Variants in NUDT9 observed in about 807,000 individuals in gnomAD.
NUDT9 encodes ADP-ribose pyrophosphatase.
NUDT9 carries 31 observed loss-of-function variants against 41.0 expected under a neutral mutation model. That is an observed-to-expected ratio of 0.76 (90% confidence interval 0.57 to 1.02). The LOEUF (loss-of-function observed/expected upper bound fraction) is 1.02. Among genes scored for constraint, NUDT9 ranks in the 50% least tolerant of loss-of-function variants. The pLI is 0.00. For missense variants in NUDT9, 380 were observed against 431.4 expected (o/e 0.88, Z 1.06); for synonymous variants, 146 against 147.6 (o/e 0.99, Z 0.08).
At chr4:87,454,919 AAATG>A (rs1722921087) in intron 7 of NUDT9, among the ~76,000 whole-genome samples, 1 of 152,238 alleles carries the variant, frequency 6.6e-6, no homozygotes, top group African/African-American at 2.4e-5. Context: ...AAAAAATTTT[AAATG>A]AATGCTGTTT....
intron 1 of NUDT9, among the ~76,000 whole-genome samples, chr4:87,424,160 C>T (rs369883275): frequency 6.6e-6 from 1 of 151,178 alleles, no homozygotes; most frequent in Non-Finnish European, 1.5e-5. Flanking sequence ...TGGTTATTGT[C>T]GCGCTGCCAG....
intron 1 of NUDT9, among the ~76,000 whole-genome samples, chr4:87,429,474 T>C (rs1203889014): frequency 6.6e-6 from 1 of 152,118 alleles, no homozygotes; most frequent in Non-Finnish European, 1.5e-5. Flanking sequence ...TTTTTATATA[T>C]ATATAATTAT....
chr4:87,450,273 A>T (rs1047803413), intron 5 of NUDT9, among the ~76,000 whole-genome samples: 25 of 152,252 alleles, frequency 1.6e-4, no homozygotes, highest in African/African-American at 6.0e-4. Context: ...ATAAAAACAT[A>T]CAGTTGTCTG....
At chr4:87,457,763 T>TA in intron 7 of NUDT9, 80 bp from the exon 8 acceptor site, 3 of 1,284,124 alleles carry the variant, frequency 2.3e-6, no homozygotes, top group Non-Finnish European at 2.2e-6. Context: ...AAGATTATTT[T>TA]AAATAAGAAT....
intron 7 of NUDT9, among the ~76,000 whole-genome samples, chr4:87,455,644 T>TTTTTTTC (rs1350434379): frequency 2.0e-5 from 3 of 151,542 alleles, no homozygotes; most frequent in African/African-American, 2.4e-5. Context: ...TTTTAGTGCT[T>TTTTTTTC]TTTTTTCTTT....
At chr4:87,456,774 C>T in intron 7 of NUDT9, among the ~76,000 whole-genome samples, 1 of 151,840 alleles carries the variant, frequency 6.6e-6, no homozygotes, top group East Asian at 1.9e-4. Context: ...ACTAAGAATA[C>T]AAAAAAATTA....
rs1250504043 is a variant in NUDT9 at position 87,458,893 on chromosome 4, G to A, written c.*872G>A. The A allele has an allele frequency of 2.6e-5, 4 of 152,124 alleles. No individual in the cohort carries two copies. Among genetic ancestry groups the A allele is most frequent in the Non-Finnish European group, 5.9e-5 (4 of 68,002 alleles). 9.4% of individuals were successfully genotyped at this position (152,124 alleles called of 1,614,324 possible). A position where few individuals can be genotyped will look rare whatever the true frequency, so the allele number is the denominator to read the frequency against. On this transcript the variant is annotated 3_prime_UTR_variant, in exon 8 of 8. Transcript: ENST00000302174. The stretch of plus-strand genomic sequence containing the variant: ...CAACCATTGTGGAAGAGAGTGTAGA[G>A]AGTCCTCAAATATTTAAAGATATTT...
At chr4:87,438,777 A>G (rs944178079) in intron 3 of NUDT9, among the ~76,000 whole-genome samples, 3 of 152,230 alleles carry the variant, frequency 2.0e-5, no homozygotes, top group African/African-American at 4.8e-5. Flanking sequence ...GGGTCTTTCT[A>G]TACTTTTTAA....
intron 4 of NUDT9, among the ~76,000 whole-genome samples, chr4:87,447,530 C>A (rs1722513818): frequency 1.4e-5 from 2 of 142,432 alleles, no homozygotes; most frequent in Non-Finnish European, 3.0e-5. Flanking sequence ...TAGGACAATT[C>A]CTAAAATTGG....
intron 4 of NUDT9, among the ~76,000 whole-genome samples, chr4:87,444,191 T>C (rs1722344614): frequency 6.6e-6 from 1 of 152,202 alleles, no homozygotes; most frequent in Non-Finnish European, 1.5e-5. Context: ...AATATCCTCA[T>C]ATTGTTACTT....
intron 4 of NUDT9, among the ~76,000 whole-genome samples, chr4:87,442,750 T>G (rs1213646384): frequency 6.6e-6 from 1 of 152,208 alleles, no homozygotes; most frequent in Admixed American, 6.5e-5. Context: ...ACACACACAT[T>G]AGCCTATGGC....
chr4:87,439,122 C>T (rs572544914), intron 3 of NUDT9, among the ~76,000 whole-genome samples: 79 of 151,068 alleles, frequency 5.2e-4, no homozygotes, highest in East Asian at 2.4e-3. Flanking sequence ...GCTGAGATTG[C>T]GCCACTGCAC....
intron 3 of NUDT9, among the ~76,000 whole-genome samples, chr4:87,441,427 C>T (rs765296569): frequency 6.6e-6 from 1 of 152,032 alleles, no homozygotes; most frequent in Non-Finnish European, 1.5e-5. Context: ...TTTAATGTAA[C>T]AGGGACAATT....
At chr4:87,437,500 C>G (rs1022481045) in intron 2 of NUDT9, among the ~76,000 whole-genome samples, 2 of 151,086 alleles carry the variant, frequency 1.3e-5, no homozygotes, top group Non-Finnish European at 2.9e-5. Context: ...ACCACCATGC[C>G]CAGCTAATTT....
rs375488331 is a variant in NUDT9 at position 87,429,395 on chromosome 4, C to G, written c.108-5586C>G. On this transcript the variant is annotated intron_variant, in intron 1 of 7. Coordinates refer to ENST00000302174, the MANE Select transcript of NUDT9 (RefSeq NM_024047.5). Reference sequence around the variant, plus strand: ...TCTTGAACTCCTAGCTTCAAGCAGTCCCCCTGCCTTGGCCTCCCAAAGTGT... The same window carrying G: ...TCTTGAACTCCTAGCTTCAAGCAGTGCCCCTGCCTTGGCCTCCCAAAGTGT... 3.1e-4 allele frequency among the ~76,000 whole-genome samples: 47 copies of G among 152,208 alleles called. No homozygotes were observed. The East Asian group carries it at 8.9e-3, about 29-fold the overall frequency.
chr4:87,425,902 G>C (rs1721395407), intron 1 of NUDT9, among the ~76,000 whole-genome samples: 1 of 151,824 alleles, frequency 6.6e-6, no homozygotes, highest in African/African-American at 2.4e-5. Flanking sequence ...CAACCTCCTG[G>C]GCTCAGTGAT....
chr4:87,429,576 GT>G (rs1721588133), intron 1 of NUDT9, among the ~76,000 whole-genome samples: 1 of 150,300 alleles, frequency 6.7e-6, no homozygotes, highest in Non-Finnish European at 1.5e-5. Context: ...TTTTTTCCTT[GT>G]TTCCTTTTCC....
chr4:87,439,199 A>G (rs1247906407), intron 3 of NUDT9, among the ~76,000 whole-genome samples: 1 of 151,588 alleles, frequency 6.6e-6, no homozygotes. Flanking sequence ...AGACTGGGTA[A>G]TGTATAAGGG....
At chr4:87,445,341 A>T (rs1477172020) in intron 4 of NUDT9, 1 of 152,170 alleles carries the variant, frequency 6.6e-6, no homozygotes, top group East Asian at 1.9e-4. Flanking sequence ...ATTCTACTGG[A>T]GAATCACCCA....
Sources: allele counts gnomAD v4.1 joint callset (sites outside exome capture counted in the v4.1 genomes callset), GRCh38; gene constraint gnomAD v4.1.1; transcripts MANE v1.5; gene names NCBI Gene and HGNC (gene_info 2026-07-23, HGNC 2026-07-21).